MRAS: variants seen among roughly 807,000 people sequenced by gnomAD.
The protein encoded by MRAS is muscle RAS oncogene homolog.
A neutral mutation model predicts 20.9 loss-of-function variants in MRAS; 4 were observed. The ratio of observed to expected loss-of-function variants is 0.19; its 90% confidence interval spans 0.09 to 0.44. The LOEUF (loss-of-function observed/expected upper bound fraction) is 0.44. Among genes scored for constraint, MRAS ranks in the 20% least tolerant of loss-of-function variants. The probability of loss-of-function intolerance (pLI) is 0.99; values close to 1 mark genes in which losing one functional copy is unlikely to be tolerated. For synonymous variants in MRAS, 98 were observed against 102.9 expected (o/e 0.95, Z 0.29); for missense variants, 154 against 277.5 (o/e 0.56, Z 3.16).
chr3:138,389,807 C>A (rs2055092210), intron 2 of MRAS, among the ~76,000 whole-genome samples: 1 of 151,880 alleles, frequency 6.6e-6, no homozygotes, highest in Non-Finnish European at 1.5e-5. Flanking sequence ...AAGCCTTTGG[C>A]ATAGTGCTGG....
intron 2 of MRAS, among the ~76,000 whole-genome samples, chr3:138,394,197 C>T (rs1160005377): frequency 2.6e-5 from 4 of 152,002 alleles, no homozygotes; most frequent in African/African-American, 9.7e-5. Context: ...GGCTGTAGGT[C>T]CTGCCTTCTG....
chr3:138,382,227 A>T (rs1427321603), intron 2 of MRAS, among the ~76,000 whole-genome samples: 1 of 152,162 alleles, frequency 6.6e-6, no homozygotes, highest in East Asian at 1.9e-4. Flanking sequence ...TGCCTCACTG[A>T]TCTCCATGGT....
chr3:138,378,645 A>T (rs1488007286), intron 2 of MRAS, among the ~76,000 whole-genome samples: 1 of 152,150 alleles, frequency 6.6e-6, no homozygotes, highest in African/African-American at 2.4e-5. Flanking sequence ...CCCTCACCCC[A>T]ATTCTCTCTT....
At chr3:138,383,343 T>G (rs2054944014) in intron 2 of MRAS, among the ~76,000 whole-genome samples, 1 of 152,146 alleles carries the variant, frequency 6.6e-6, no homozygotes, top group South Asian at 2.1e-4. Context: ...TTTATTGTTA[T>G]TTTTAGACAC....
At chr3:138,386,277 C>A (rs752773782) in intron 2 of MRAS, among the ~76,000 whole-genome samples, 1 of 152,008 alleles carries the variant, frequency 6.6e-6, no homozygotes, top group African/African-American at 2.4e-5. Flanking sequence ...ATTCTCCCCC[C>A]TCCTCAGTCC....
At chr3:138,347,914 T>C (rs2054150798), upstream of MRAS, 1 of 152,002 alleles carries the variant, frequency 6.6e-6, no homozygotes, top group African/African-American at 2.4e-5. Context: ...CTTCAAAAGG[T>C]GGAATTTTAT....
chr3:138,362,103 C>T (rs1332091951), intron 1 of MRAS, among the ~76,000 whole-genome samples: 1 of 152,072 alleles, frequency 6.6e-6, no homozygotes, highest in East Asian at 1.9e-4. Flanking sequence ...CCCCAGAGGC[C>T]AGGTGGCCAA....
intron 2 of MRAS, among the ~76,000 whole-genome samples, chr3:138,390,351 C>T (rs1301228845): frequency 1.3e-5 from 2 of 152,168 alleles, no homozygotes; most frequent in East Asian, 3.9e-4. Context: ...CAGATGTGCA[C>T]AACACTGACC....
intron 3 of MRAS, among the ~76,000 whole-genome samples, chr3:138,397,989 A>T (rs1018498814): frequency 2.0e-5 from 3 of 152,264 alleles, no homozygotes; most frequent in Non-Finnish European, 4.4e-5. Flanking sequence ...ATAATTTTTT[A>T]AAATGGAAAT....
chr3:138,375,693 A>G (rs1284451462), intron 2 of MRAS, among the ~76,000 whole-genome samples: 1 of 152,190 alleles, frequency 6.6e-6, no homozygotes, highest in Non-Finnish European at 1.5e-5. Context: ...CATCTTGGCC[A>G]GAAGCAGAAC....
chr3:138,378,388 T>G (rs1490901215), intron 2 of MRAS, among the ~76,000 whole-genome samples: 2 of 152,240 alleles, frequency 1.3e-5, no homozygotes, highest in East Asian at 3.9e-4. Flanking sequence ...CAGGCTCTCC[T>G]GTGGCTGTGG....
chr3:138,379,986 A>G (rs746029370), intron 2 of MRAS, among the ~76,000 whole-genome samples: 16 of 151,950 alleles, frequency 1.1e-4, no homozygotes, highest in Non-Finnish European at 1.9e-4. Context: ...CTTCCCTAGC[A>G]TTTGTTATTT....
intron 1 of MRAS, among the ~76,000 whole-genome samples, chr3:138,354,458 C>T (rs767483377): frequency 9.9e-5 from 15 of 152,204 alleles, no homozygotes; most frequent in Non-Finnish European, 1.9e-4. Context: ...CATGTATTGG[C>T]TCTCTCTTGG....
chr3:138,363,076 G>T (rs934602298), intron 1 of MRAS, among the ~76,000 whole-genome samples: 1 of 150,910 alleles, frequency 6.6e-6, no homozygotes, highest in Non-Finnish European at 1.5e-5. Context: ...TTGCTCTGTT[G>T]CCCAGGCTTG....
intron 2 of MRAS, among the ~76,000 whole-genome samples, chr3:138,382,901 T>C (rs2108536660): frequency 6.6e-6 from 1 of 152,324 alleles, no homozygotes; most frequent in South Asian, 2.1e-4. Context: ...GCCTGACCAA[T>C]AGATCTGAGA....
chr3:138,350,682 T>G (rs891275118), intron 1 of MRAS, among the ~76,000 whole-genome samples: 46 of 152,314 alleles, frequency 3.0e-4, no homozygotes, highest in African/African-American at 1.1e-3. Context: ...GGTTTAACTT[T>G]TATGTTATTA....
chr3:138,400,345 A>G lies in MRAS; in HGVS notation c.448-189A>G, dbSNP rs150767752. 3.3e-3 allele frequency: 1,892 copies of G among 577,366 alleles called. 21 individuals carry two copies. The African/African-American group carries it at 0.033, about 10-fold the overall frequency. The allele number at this position is 577,366 out of a possible 1,614,324, so 35.8% of individuals were successfully genotyped here. A position where few individuals can be genotyped will look rare whatever the true frequency, so the allele number is the denominator to read the frequency against. ...AGAACAAGAGGGAATTGGAAAAGCC[A>G]TTAGTAACACTTTCCAACCTGAAAG... On this transcript the variant is annotated intron_variant, in intron 4 of 5. Coordinates refer to ENST00000423968, the MANE Select transcript of MRAS (RefSeq NM_001085049.3).
chr3:138,363,919 C>T (rs1335329807), intron 1 of MRAS, among the ~76,000 whole-genome samples: 1 of 136,794 alleles, frequency 7.3e-6, no homozygotes, highest in African/African-American at 2.7e-5. Context: ...AACTTTGTTT[C>T]ATGCTGAACT....
At chr3:138,375,127 T>C (rs2108523676) in intron 2 of MRAS, among the ~76,000 whole-genome samples, 1 of 152,304 alleles carries the variant, frequency 6.6e-6, no homozygotes, top group South Asian at 2.1e-4. Flanking sequence ...CTTCAAGCAA[T>C]CCTTCCATTT....
Sources: allele counts gnomAD v4.1 joint callset (sites outside exome capture counted in the v4.1 genomes callset), GRCh38; gene constraint gnomAD v4.1.1; transcripts MANE v1.5; gene names NCBI Gene and HGNC (gene_info 2026-07-23, HGNC 2026-07-21).